The following TNKS variants were observed in gnomAD, a reference collection of about 807,000 sequenced individuals.
TNKS encodes tankyrase, also known as poly [ADP-ribose] polymerase tankyrase-1.
A neutral mutation model predicts 135.8 loss-of-function variants in TNKS; 72 were observed. The ratio of observed to expected loss-of-function variants is 0.53; its 90% CI spans 0.44 to 0.64. The LOEUF is 0.64. Ranked by LOEUF, TNKS falls within the 30% of genes least tolerant of loss-of-function variation. The probability of loss-of-function intolerance (pLI) is 0.00; values close to 1 mark genes in which losing one functional copy is unlikely to be tolerated. For synonymous variants in TNKS, 849 were observed against 649.3 expected (o/e 1.31, Z -4.68); for missense variants, 1,769 against 1,674.0 (o/e 1.06, Z -0.99).
intron 3 of TNKS, among the ~76,000 whole-genome samples, chr8:9,642,586 G>T (rs1032853755): frequency 6.8e-6 from 1 of 146,184 alleles, no homozygotes; most frequent in Non-Finnish European, 1.5e-5. Flanking sequence ...TTTTCATAAT[G>T]TTTTAAAGTA....
rs112063991 is a variant in TNKS, at chr8:9,727,769, C to T, written c.2001+1049C>T. ...GTAAACACGTTTTAAGCTCTGTTGC[C>T]TAGAAATTTTATTTTTGTTTTAATA... is the stretch of plus-strand genomic sequence containing the variant. On this transcript the variant is annotated intron_variant, in intron 13 of 26. Transcript: ENST00000310430. Among the ~76,000 whole-genome samples the T allele has an allele frequency of 6.2e-3, 939 of 152,230 alleles. 12 individuals carry two copies. The highest frequency in any genetic ancestry group is 0.021 in the African/African-American group (870 of 41,538).
Position 9,720,394 on chromosome 8 carries a change from T to G in TNKS, c.1770T>G (p.Leu590=), listed in dbSNP as rs891876329. ...HGAKMNALDT[L]GQTALHRAAL... The stretch of plus-strand genomic sequence containing the variant: ...TTCAGATGAATGCACTGGACACCCT[T>G]GGTCAGACTGCTTTGCATAGAGCCG... Residue 590 remains leucine, a synonymous_variant, in exon 12 of 27, where the codon CTT becomes CTG. Coordinates refer to ENST00000310430, the MANE Select transcript of TNKS (RefSeq NM_003747.3). 6.2e-7 allele frequency: 1 copy of G among 1,612,428 alleles called. No homozygotes were observed. Among genetic ancestry groups the G allele is most frequent in the African/African-American group, 1.3e-5 (1 of 74,960 alleles).
chr8:9,705,751 G>T (rs989749124), intron 6 of TNKS, among the ~76,000 whole-genome samples: 6 of 152,050 alleles, frequency 3.9e-5, no homozygotes, highest in African/African-American at 7.2e-5. Context: ...CAAAAAAAGG[G>T]TTTTTTTGGT....
intron 1 of TNKS, among the ~76,000 whole-genome samples, chr8:9,559,550 A>C (rs756608068): frequency 7.9e-5 from 12 of 151,944 alleles, no homozygotes; most frequent in Non-Finnish European, 1.6e-4. Flanking sequence ...TCACCTAGGC[A>C]ATGAGCATAG....
chr8:9,704,084 C>T (rs1803941165), intron 5 of TNKS, among the ~76,000 whole-genome samples: 1 of 152,150 alleles, frequency 6.6e-6, no homozygotes, highest in Non-Finnish European at 1.5e-5. Flanking sequence ...CATCATTGCA[C>T]CCAGTGTAGC....
chr8:9,564,841 C>T (rs1367795409), intron 1 of TNKS, among the ~76,000 whole-genome samples: 9 of 152,096 alleles, frequency 5.9e-5, no homozygotes, highest in South Asian at 2.1e-4. Flanking sequence ...CCTCCCCTTA[C>T]GGGGCTTAAT....
chr8:9,772,189 T>TA (rs1249201543), intron 26 of TNKS, among the ~76,000 whole-genome samples: 3 of 151,236 alleles, frequency 2.0e-5, no homozygotes, highest in Admixed American at 2.0e-4. Flanking sequence ...GGATGCTAAA[T>TA]ATGGGGATTG....
intron 1 of TNKS, chr8:9,574,955 G>A (rs1253437055): frequency 1.4e-5 from 11 of 789,238 alleles, no homozygotes; most frequent in Non-Finnish European, 1.7e-5. Flanking sequence ...TGACTGTGAG[G>A]TAAGAAGCAA....
chr8:9,637,146 A>G (rs999355208), intron 3 of TNKS, among the ~76,000 whole-genome samples: 1 of 152,200 alleles, frequency 6.6e-6, no homozygotes, highest in Non-Finnish European at 1.5e-5. Context: ...TAGATATGGG[A>G]ATTTCTCTTA....
chr8:9,636,886 C>T (rs779600538), intron 3 of TNKS, among the ~76,000 whole-genome samples: 3 of 152,152 alleles, frequency 2.0e-5, no homozygotes, highest in African/African-American at 4.8e-5. Flanking sequence ...TCACTACTTT[C>T]TCTTCTTTGG....
rs1807232280 is a variant in TNKS, at chr8:9,763,061, GA to G, written c.3275-84del. ...TTCCAAAACCTCAATTACTTATTAT[GA>G]ATTTTTTTTTTTTTTTTTTTTTTAT... On this transcript the variant is annotated intron_variant, in intron 21 of 26. Transcript: ENST00000310430. The G allele has an allele frequency of 3.4e-5, 18 of 523,398 alleles. No individual in the cohort carries two copies. In the South Asian group the frequency reaches 6.9e-4, roughly 20 times the overall value. The allele number at this position is 523,398 out of a possible 1,614,324, so 32.4% of individuals were successfully genotyped here.
chr8:9,566,288 C>G (rs1047372457), intron 1 of TNKS: 6 of 152,052 alleles, frequency 3.9e-5, no homozygotes, highest in Non-Finnish European at 8.8e-5. Flanking sequence ...AAAAAGAAAA[C>G]TTTTTGGATA....
intron 3 of TNKS, among the ~76,000 whole-genome samples, chr8:9,621,955 T>C (rs1456616597): frequency 6.6e-6 from 1 of 152,234 alleles, no homozygotes; most frequent in East Asian, 1.9e-4. Context: ...AAGGCGTTAC[T>C]GCTGAAACAA....
intron 17 of TNKS, among the ~76,000 whole-genome samples, chr8:9,745,059 A>C (rs1396077027): frequency 2.6e-5 from 4 of 152,228 alleles, no homozygotes; most frequent in Non-Finnish European, 5.9e-5. Context: ...AATAAAATTA[A>C]TCATCAGAAA....
At chr8:9,646,488 C>T (rs916232296) in intron 3 of TNKS, among the ~76,000 whole-genome samples, 1 of 152,016 alleles carries the variant, frequency 6.6e-6, no homozygotes, top group Non-Finnish European at 1.5e-5. Context: ...GAGATTTTCT[C>T]ATTTTTATAC....
intron 5 of TNKS, among the ~76,000 whole-genome samples, chr8:9,694,270 T>C (rs902377413): frequency 2.6e-5 from 4 of 152,204 alleles, no homozygotes; most frequent in Admixed American, 6.5e-5. Flanking sequence ...TTCATTCTTT[T>C]TTTTAAAAAA....
rs139363989 is a variant in TNKS, at chr8:9,760,191, T to A, written c.3154-1325T>A. Among the ~76,000 whole-genome samples, 535 of 152,340 alleles carry A rather than the reference T, an allele frequency of 3.5e-3. 20 individuals are homozygous for A. The East Asian group carries it at 0.062, about 18-fold the overall frequency. The stretch of plus-strand genomic sequence containing the variant: ...TCCTATTATTTTGTGAACTATTCCA[T>A]CTCAAAGATGTGTATTTCAGAACTG... On this transcript the variant is annotated intron_variant, in intron 20 of 26. Coordinates refer to ENST00000310430, the MANE Select transcript of TNKS (RefSeq NM_003747.3).
intron 2 of TNKS, among the ~76,000 whole-genome samples, chr8:9,593,223 A>G (rs1798652940): frequency 6.6e-6 from 1 of 152,176 alleles, no homozygotes; most frequent in African/African-American, 2.4e-5. Flanking sequence ...CTCTCAAAGG[A>G]CTTAGCCAAG....
chr8:9,710,204 A>G lies in TNKS; in HGVS notation c.1733A>G (p.His578Arg), dbSNP rs1804254813. The G allele has an allele frequency of 8.1e-6, 13 of 1,614,242 alleles. No homozygotes were observed. Among genetic ancestry groups the G allele is most frequent in the Non-Finnish European group, 1.1e-5 (13 of 1,180,036 alleles). ...CATAATGATGTCATGGAAGTTCTGC[A>G]TAAGCATGGCGCCAAGGTGAGGCAC... ...RAHNDVMEVL[H>R]KHGAKMNALD... Residue 578 changes from histidine (H) to arginine (R), a missense_variant, in exon 11 of 27, where the codon CAT (histidine) becomes CGT (arginine). Around this residue, in one of 5 missense-constraint regions of TNKS, gnomAD observed 523 missense variants for 541.0 expected, o/e 0.97. Transcript: ENST00000310430.
Sources: allele counts gnomAD v4.1 joint callset (sites outside exome capture counted in the v4.1 genomes callset), GRCh38; gene constraint gnomAD v4.1.1; regional missense constraint gnomAD v4.1.1; transcripts MANE v1.5; gene names NCBI Gene and HGNC (gene_info 2026-07-23, HGNC 2026-07-21).